UNC13C: variants seen among roughly 807,000 people sequenced by gnomAD.
UNC13C encodes protein unc-13 homolog C.
UNC13C carries 174 observed loss-of-function variants against 245.4 expected under a neutral mutation model. The observed-to-expected ratio is 0.71, with a 90% CI of 0.63 to 0.80. The LOEUF (loss-of-function observed/expected upper bound fraction) is 0.80, where lower values mean the gene tolerates loss of function less well. UNC13C is among the 30% of genes least tolerant of loss of function. The pLI, the probability that UNC13C is intolerant of heterozygous loss-of-function variation, is 0.00. For synonymous variants in UNC13C, 992 were observed against 895.1 expected (o/e 1.11, Z -1.93); for missense variants, 2,829 against 2,602.9 (o/e 1.09, Z -1.89).
chr15:54,374,723 G>A (rs182178580), intron 17 of UNC13C, among the ~76,000 whole-genome samples: 14 of 152,352 alleles, frequency 9.2e-5, no homozygotes, highest in Admixed American at 2.0e-4. Context: ...CAACTTGGAA[G>A]GGGTGGGGGC....
At chr15:54,458,062 C>T (rs937578822) in intron 19 of UNC13C, among the ~76,000 whole-genome samples, 2 of 151,852 alleles carry the variant, frequency 1.3e-5, no homozygotes, top group African/African-American at 4.8e-5. Context: ...TTTGCTGTAT[C>T]CCACAGATTT....
chr15:54,122,430 TC>T (rs1260488284), intron 2 of UNC13C, among the ~76,000 whole-genome samples: 2 of 152,070 alleles, frequency 1.3e-5, no homozygotes, highest in African/African-American at 4.8e-5. Context: ...CTTTTTTCAA[TC>T]CTTTAACATG....
chr15:54,601,281 A>G (rs1226769593), intron 30 of UNC13C, among the ~76,000 whole-genome samples: 1 of 152,210 alleles, frequency 6.6e-6, no homozygotes, highest in Non-Finnish European at 1.5e-5. Flanking sequence ...TCCAGAGGGT[A>G]ATAGGGTCTT....
intron 19 of UNC13C, among the ~76,000 whole-genome samples, chr15:54,444,489 A>G (rs991438552): frequency 2.6e-5 from 4 of 151,822 alleles, no homozygotes; most frequent in African/African-American, 7.2e-5. Context: ...CATCCAGTCT[A>G]TATCTTTTAC....
At chr15:54,538,074 A>G (rs1375115250) in intron 26 of UNC13C, among the ~76,000 whole-genome samples, 3 of 137,744 alleles carry the variant, frequency 2.2e-5, no homozygotes, top group Non-Finnish European at 4.7e-5. Context: ...TTTGCAAACT[A>G]TGTATCTGAC....
intron 28 of UNC13C, among the ~76,000 whole-genome samples, chr15:54,552,442 A>G (rs1190091381): frequency 1.5e-3 from 3 of 2,040 alleles, no homozygotes; most frequent in African/African-American, 0.01. Flanking sequence ...ATTATATATT[A>G]CAATATATAA....
the UNC13C span, among the ~76,000 whole-genome samples, chr15:53,953,128 G>T: frequency 6.6e-6 from 1 of 152,170 alleles, no homozygotes; most frequent in African/African-American, 2.4e-5. Context: ...TTCAGACTTT[G>T]ATGTGATGAA....
At chr15:54,370,130 A>G (rs1289031389) in intron 17 of UNC13C, among the ~76,000 whole-genome samples, 1 of 152,166 alleles carries the variant, frequency 6.6e-6, no homozygotes, top group Non-Finnish European at 1.5e-5. Context: ...TAATGTGTTT[A>G]TTAACTACTT....
chr15:54,014,559 T>A lies in UNC13C; in HGVS notation c.1656T>A (p.Asp552Glu). 1 of 1,613,814 alleles carries A rather than the reference T, an allele frequency of 6.2e-7. No individual in the cohort carries two copies. Among genetic ancestry groups the A allele is most frequent in the Non-Finnish European group, 8.5e-7 (1 of 1,179,840 alleles). ...FTAKLSRSES[D>E]FSKLCQSYSE... ...CTAAACTTAGTCGTTCTGAATCAGA[T>A]TTTTCCAAATTGTGTCAGTCTTACT... The change falls in exon 2 of 33, where the codon GAT (aspartate) becomes GAA (glutamate). Residue 552 changes from aspartate (D) to glutamate (E), a missense_variant. Coordinates refer to ENST00000260323, the MANE Select transcript of UNC13C (RefSeq NM_001080534.3).
At chr15:54,605,525 T>C (rs1015450216) in intron 30 of UNC13C, among the ~76,000 whole-genome samples, 1 of 152,202 alleles carries the variant, frequency 6.6e-6, no homozygotes, top group South Asian at 2.1e-4. Flanking sequence ...ACAGCCCTTT[T>C]TTAAAAAAAA....
chr15:54,505,722 G>T (rs1316541563), intron 22 of UNC13C, among the ~76,000 whole-genome samples: 3 of 150,506 alleles, frequency 2.0e-5, no homozygotes, highest in African/African-American at 7.3e-5. Context: ...ACTCTTATAG[G>T]CACACAGCTT....
In UNC13C at chr15:54,362,585, G is replaced by C. The variant is rs746019688; in HGVS notation, c.4713+24096G>C. ...TTTTCTCAGTTTTTTTCCATTGCAG[G>C]GTTCACAAAAACGGAGTTATAGAAC... On this transcript the variant is annotated intron_variant, in intron 17 of 32. Transcript: ENST00000260323. Among the ~76,000 whole-genome samples, 8 of 152,122 alleles carry C rather than the reference G, an allele frequency of 5.3e-5. No homozygotes were observed. The South Asian group carries it at 6.2e-4, about 12-fold the overall frequency.
chr15:54,226,915 G>C (rs755306781), intron 4 of UNC13C, among the ~76,000 whole-genome samples: 2 of 152,072 alleles, frequency 1.3e-5, no homozygotes, highest in African/African-American at 2.4e-5. Flanking sequence ...CCAGGTCTGG[G>C]ATCCTGGAGG....
At chr15:54,279,474 A>G (rs1269253870) in intron 10 of UNC13C, among the ~76,000 whole-genome samples, 1 of 152,092 alleles carries the variant, frequency 6.6e-6, no homozygotes, top group Non-Finnish European at 1.5e-5. Flanking sequence ...TACTTTTGTG[A>G]TTGCCTCTCC....
chr15:54,084,722 A>C (rs548809634), intron 2 of UNC13C, among the ~76,000 whole-genome samples: 6 of 152,306 alleles, frequency 3.9e-5, no homozygotes, highest in Non-Finnish European at 8.8e-5. Context: ...AGGGATCCAC[A>C]AATATTACTG....
intron 17 of UNC13C, among the ~76,000 whole-genome samples, chr15:54,372,168 C>T (rs2039500522): frequency 1.3e-5 from 2 of 152,022 alleles, no homozygotes; most frequent in Non-Finnish European, 2.9e-5. Flanking sequence ...AGTCATTCTG[C>T]AGTGGATGCA....
chr15:53,909,075 A>G, the UNC13C span, among the ~76,000 whole-genome samples: 1 of 146,648 alleles, frequency 6.8e-6, no homozygotes, highest in Non-Finnish European at 1.5e-5. Flanking sequence ...AAGTGATAAA[A>G]GTATATTCAA....
chr15:54,372,216 C>A (rs531333793), intron 17 of UNC13C, among the ~76,000 whole-genome samples: 2 of 151,952 alleles, frequency 1.3e-5, no homozygotes, highest in East Asian at 3.9e-4. Context: ...TAAATGCATA[C>A]AATTTTTACT....
In UNC13C at chr15:54,462,683, C is replaced by T. The variant is rs553664961; in HGVS notation, c.4934-31925C>T. ...TTGAATTCTCACCAGGCCTCAGCCA[C>T]CTCCCCAGGGGCAGGGCTTGGGACC... On this transcript the variant is annotated intron_variant, in intron 19 of 32. Coordinates refer to ENST00000260323, the MANE Select transcript of UNC13C (RefSeq NM_001080534.3). Among the ~76,000 whole-genome samples, 3 of 152,370 alleles carry T rather than the reference C, an allele frequency of 2.0e-5. No individual in the cohort carries two copies. In the South Asian group the frequency reaches 6.2e-4, roughly 32 times the overall value.
Sources: gnomAD v4.1 joint callset for allele counts (sites outside exome capture counted in the v4.1 genomes callset) on GRCh38, gnomAD v4.1.1 for gene constraint, MANE v1.5 for transcripts, NCBI Gene and HGNC (gene_info 2026-07-23, HGNC 2026-07-21) for gene names.